PI4KA: variants seen among roughly 807,000 people sequenced by gnomAD.
PI4KA encodes the protein phosphatidylinositol 4-kinase alpha, also known as PI4-kinase alpha.
PI4KA carries 122 observed loss-of-function variants against 271.4 expected under a neutral mutation model. The observed-to-expected ratio is 0.45, with a 90% confidence interval of 0.39 to 0.52. The LOEUF (loss-of-function observed/expected upper bound fraction) is 0.52, where lower values mean the gene tolerates loss of function less well. Among genes scored for constraint, PI4KA ranks in the 20% least tolerant of loss-of-function variants. The probability of loss-of-function intolerance (pLI) is 0.00; values close to 1 mark genes in which losing one functional copy is unlikely to be tolerated. For missense variants in PI4KA, 1,969 were observed against 2,769.1 expected (o/e 0.71, Z 6.48); for synonymous variants, 1,041 against 1,078.8 (o/e 0.96, Z 0.69).
intron 29 of PI4KA, among the ~76,000 whole-genome samples, chr22:20,746,391 A>T (rs988374350): frequency 1.3e-5 from 2 of 152,344 alleles, no homozygotes; most frequent in African/African-American, 4.8e-5. Context: ...ATTAAAAAAA[A>T]TAACTTAGAG....
In PI4KA at chr22:20,799,736, T is replaced by C; in HGVS notation, c.1755A>G (p.Pro585=). The C allele has an allele frequency of 1.3e-6, 2 of 1,552,956 alleles. No homozygotes were observed. The highest frequency in any genetic ancestry group is 1.4e-5 in the African/African-American group (1 of 73,260). Residue 585 remains proline, a synonymous_variant, in exon 15 of 55, where the codon CCA becomes CCG. Transcript: ENST00000255882. ...RCLKAGLTVD[P]VIVEAFLASL... is the part of the protein sequence containing the mutation. ...TGGCCAAGAACGCCTCCACAATCAC[T>C]GGGTCCACCGTCAATCCAGCCTTCA...
chr22:20,779,455 A>C (rs754307413), intron 19 of PI4KA: 10 of 1,614,182 alleles, frequency 6.2e-6, no homozygotes, highest in Non-Finnish European at 8.5e-6. Flanking sequence ...TTAAATAACA[A>C]AAACCTGAGC....
chr22:20,809,668 T>C (rs1051864691), intron 9 of PI4KA, among the ~76,000 whole-genome samples: 1 of 151,980 alleles, frequency 6.6e-6, no homozygotes, highest in African/African-American at 2.4e-5. Flanking sequence ...AAACCAAAGG[T>C]CTCTGAGACC....
intron 1 of PI4KA, among the ~76,000 whole-genome samples, chr22:20,849,764 G>A (rs982878879): frequency 3.9e-5 from 6 of 152,186 alleles, no homozygotes; most frequent in Non-Finnish European, 7.3e-5. Context: ...TGAGGCAGAA[G>A]AATGGTGTGA....
At chr22:20,809,073 GACA>G (rs1935846273) in intron 9 of PI4KA, among the ~76,000 whole-genome samples, 1 of 152,172 alleles carries the variant, frequency 6.6e-6, no homozygotes, top group Admixed American at 6.5e-5. Flanking sequence ...TGGCTTTACA[GACA>G]ACGTCTGGTG....
chr22:20,749,892 T>C lies in PI4KA; in HGVS notation c.3243+13A>G, dbSNP rs775668296. ...GGAGCTTATGGCAATTGCCTTTTGA[T>C]GGTTTCAAGTACCTGCAGGTGGGAC... On this transcript the variant is annotated intron_variant, in intron 28 of 54. Transcript: ENST00000255882. 7 of 1,554,078 alleles carry C rather than the reference T, an allele frequency of 4.5e-6. No homozygotes were observed. The African/African-American group carries it at 6.8e-5, about 15-fold the overall frequency.
chr22:20,797,157 TTAAG>T (rs1935036381), intron 17 of PI4KA, among the ~76,000 whole-genome samples: 2 of 152,054 alleles, frequency 1.3e-5, no homozygotes, highest in South Asian at 4.2e-4. Context: ...GGCACTGCAG[TTAAG>T]TAATACCTGG....
At chr22:20,775,439 C>G (rs1454948207) in intron 19 of PI4KA, among the ~76,000 whole-genome samples, 1 of 152,106 alleles carries the variant, frequency 6.6e-6, no homozygotes, top group Non-Finnish European at 1.5e-5. Flanking sequence ...CTATTTTTGG[C>G]TTTTTATCAG....
At chr22:20,798,892 A>G (rs1236397361) in intron 16 of PI4KA, 1 of 624,054 alleles carries the variant, frequency 1.6e-6, no homozygotes, top group Non-Finnish European at 2.8e-6. Context: ...TTCTGTTATA[A>G]TACACTGACA....
intron 10 of PI4KA, among the ~76,000 whole-genome samples, chr22:20,805,686 G>C (rs1215480924): frequency 6.6e-6 from 1 of 151,896 alleles, no homozygotes; most frequent in Non-Finnish European, 1.5e-5. Flanking sequence ...CAAAAAATTA[G>C]CCGGGCGTGG....
chr22:20,721,743 C>A, intron 42 of PI4KA: 1 of 271,236 alleles, frequency 3.7e-6, no homozygotes, highest in Non-Finnish European at 7.3e-6. Context: ...AAAAAGCAGG[C>A]TGGGTACTAA....
chr22:20,820,375 C>T (rs1922484586), intron 5 of PI4KA, among the ~76,000 whole-genome samples, 164 bp downstream of exon 5: 2 of 152,036 alleles, frequency 1.3e-5, no homozygotes, highest in African/African-American at 2.4e-5. Flanking sequence ...GCACATGACC[C>T]CATGTGGCCT....
chr22:20,761,324 G>T lies in PI4KA; in HGVS notation c.2771C>A (p.Ala924Asp). ...QVMFCYFEDK[A>D]IQKDKSGMMQ... is the part of the protein sequence containing the mutation. ...CTTACCAGATTTGTCTTTCTGAATA[G>T]CTTTATCCTCAAAGTAGCAGAACAT... Residue 924 changes from alanine to aspartate, a missense_variant, in exon 23 of 55, where the codon GCT (alanine) becomes GAT (aspartate). Around this residue, in one of 13 missense-constraint regions of PI4KA, gnomAD observed 368 missense variants for 544.3 expected, o/e 0.68. Transcript: ENST00000255882. The T allele has an allele frequency of 6.2e-7, 1 of 1,607,246 alleles. No individual in the cohort carries two copies. Among genetic ancestry groups the T allele is most frequent in the Non-Finnish European group, 8.5e-7 (1 of 1,173,744 alleles).
At chr22:20,799,006 T>A in intron 16 of PI4KA, 87 bp downstream of exon 16, 2 of 1,090,888 alleles carry the variant, frequency 1.8e-6, no homozygotes, top group Non-Finnish European at 2.6e-6. Flanking sequence ...CAAGGTATAT[T>A]TAATCTGTAT....
chr22:20,717,114 C>T (rs1366965387), intron 45 of PI4KA, among the ~76,000 whole-genome samples: 2 of 152,110 alleles, frequency 1.3e-5, no homozygotes, highest in Non-Finnish European at 2.9e-5. Context: ...GGTGTGGTGG[C>T]GGGTGCCTGC....
chr22:20,765,749 C>G, intron 19 of PI4KA, 56 bp from the exon 20 acceptor site: 1 of 1,153,270 alleles, frequency 8.7e-7, no homozygotes, highest in Non-Finnish European at 1.3e-6. Flanking sequence ...AAACCCTAAG[C>G]CCTGTAGGTG....
intron 9 of PI4KA, among the ~76,000 whole-genome samples, chr22:20,810,024 G>A (rs1935902927): frequency 6.6e-6 from 1 of 152,098 alleles, no homozygotes; most frequent in African/African-American, 2.4e-5. Context: ...GGAACACCAG[G>A]CTTCAATAAG....
rs1272172574 is a variant in PI4KA at position 20,758,386 on chromosome 22, AAAAC to A, written c.2791+2914_2791+2917del. Among the ~76,000 whole-genome samples the A allele has an allele frequency of 4.1e-4, 59 of 145,618 alleles. 3 individuals are homozygous for A. Among genetic ancestry groups the A allele is most frequent in the African/African-American group, 6.8e-4 (26 of 38,438 alleles). ...TCTCAAAAAAAAAAAAAAAAAAAAA[AAAAC>A]ATGAGATTCTGTGTCTTAAATGTCT... On this transcript the variant is annotated intron_variant, in intron 23 of 54. Transcript: ENST00000255882.
In PI4KA at chr22:20,727,826, C is replaced by T. The variant is rs575931261; in HGVS notation, c.4721G>A (p.Arg1574His). The change falls in exon 40 of 55, where the codon CGT becomes CAT. Residue 1574 changes from arginine (R) to histidine (H), a missense_variant. Around this residue, in one of 13 missense-constraint regions of PI4KA, gnomAD observed 388 missense variants for 521.5 expected, o/e 0.74. Coordinates refer to ENST00000255882, the MANE Select transcript of PI4KA (RefSeq NM_058004.4). The stretch of plus-strand genomic sequence containing the variant: ...GGCTCCCGGGTCCAACCGAACGAGA[C>T]GGGTCACTTCGTTCCCAATGGCTTC... ...NTEAIGNEVT[R>H]LVRLDPGAVS... The T allele has an allele frequency of 9.3e-6, 15 of 1,614,106 alleles. No individual in the cohort carries two copies. Among genetic ancestry groups the T allele is most frequent in the Admixed American group, 1.7e-5 (1 of 60,020 alleles).
Sources: gnomAD v4.1 joint callset for allele counts (sites outside exome capture counted in the v4.1 genomes callset) on GRCh38, gnomAD v4.1.1 for gene constraint, gnomAD v4.1.1 regional missense constraint, MANE v1.5 for transcripts, NCBI Gene and HGNC (gene_info 2026-07-23, HGNC 2026-07-21) for gene names.